NRXN3: variants seen among roughly 807,000 people sequenced by gnomAD.
NRXN3 encodes neurexin III.
NRXN3 carries 32 observed loss-of-function variants against 137.6 expected under a neutral mutation model. That is an observed-to-expected ratio of 0.23 (90% confidence interval 0.18 to 0.31). The LOEUF is 0.31. Among genes scored for constraint, NRXN3 ranks in the 10% least tolerant of loss-of-function variants. NRXN3 has a pLI of 1.00. For synonymous variants in NRXN3, 798 were observed against 784.5 expected, an observed-to-expected ratio of 1.02 and a Z score of -0.29; for missense variants, 1,574 against 2,062.5, an observed-to-expected ratio of 0.76 and a Z score of 4.59.
chr14:78,501,638 G>T, intron 4 of NRXN3, among the ~76,000 whole-genome samples: 1 of 152,182 alleles, frequency 6.6e-6, no homozygotes, highest in East Asian at 1.9e-4. Flanking sequence ...AGCCATTATA[G>T]AAGTTGTCTA....
At chr14:79,523,714 T>C (rs1043096890) in intron 16 of NRXN3, among the ~76,000 whole-genome samples, 2 of 152,356 alleles carry the variant, frequency 1.3e-5, no homozygotes, top group East Asian at 3.9e-4. Flanking sequence ...ATTTGGGTAA[T>C]GAAGGCTCAA....
intron 15 of NRXN3, among the ~76,000 whole-genome samples, chr14:79,337,584 T>A (rs1314186017): frequency 6.6e-6 from 1 of 152,202 alleles, no homozygotes; most frequent in Non-Finnish European, 1.5e-5. Context: ...TGTGTTATAA[T>A]GGAATGATGT....
At chr14:78,354,512 C>G (rs1038482167) in intron 4 of NRXN3, among the ~76,000 whole-genome samples, 1 of 152,272 alleles carries the variant, frequency 6.6e-6, no homozygotes, top group Non-Finnish European at 1.5e-5. Context: ...CTTTCGCTCC[C>G]CATGCAGCTG....
chr14:78,492,758 G>C (rs542420470), intron 4 of NRXN3, among the ~76,000 whole-genome samples: 2 of 152,192 alleles, frequency 1.3e-5, no homozygotes, highest in Non-Finnish European at 2.9e-5. Flanking sequence ...CTGACGTGGT[G>C]TTAGTCTGTC....
chr14:78,338,066 A>G (rs561265936), intron 4 of NRXN3, among the ~76,000 whole-genome samples: 1 of 152,162 alleles, frequency 6.6e-6, no homozygotes, highest in Admixed American at 6.5e-5. Context: ...TTAGGTTGTT[A>G]TTGCTAGGAG....
chr14:79,829,661 G>A (rs1013815171), intron 20 of NRXN3, among the ~76,000 whole-genome samples: 4 of 152,198 alleles, frequency 2.6e-5, no homozygotes, highest in African/African-American at 9.7e-5. Flanking sequence ...GTGTGTGTGT[G>A]CCTGTGTGTA....
At chr14:79,296,207 ACT>A (rs2084080046) in intron 15 of NRXN3, among the ~76,000 whole-genome samples, 1 of 152,086 alleles carries the variant, frequency 6.6e-6, no homozygotes, top group South Asian at 2.1e-4. Context: ...GCTTAATGGC[ACT>A]CATTAATGAA....
intron 14 of NRXN3, among the ~76,000 whole-genome samples, chr14:78,985,974 T>A (rs2099502615): frequency 6.6e-6 from 1 of 152,160 alleles, no homozygotes; most frequent in Non-Finnish European, 1.5e-5. Context: ...TTAGTAATTG[T>A]TTTGAACTTT....
intron 15 of NRXN3, among the ~76,000 whole-genome samples, chr14:79,278,846 G>T (rs546371020): frequency 6.6e-6 from 1 of 152,174 alleles, no homozygotes; most frequent in East Asian, 1.9e-4. Context: ...TTTTAACCCC[G>T]GGAGACACAC....
rs967641983 is a variant in NRXN3 at position 79,393,589 on chromosome 14, C to T, written c.3263-73632C>T. Reference sequence around the variant, plus strand: ...ATACACTTTGGGAGGCCGAGGCGGGCGGATCATGAGGTCAGAAGATCGAGA... The same window carrying T: ...ATACACTTTGGGAGGCCGAGGCGGGTGGATCATGAGGTCAGAAGATCGAGA... On this transcript the variant is annotated intron_variant, in intron 15 of 20. Transcript: ENST00000335750. Among the ~76,000 whole-genome samples, 14 of 152,110 alleles carry T rather than the reference C, an allele frequency of 9.2e-5. 1 individual carries two copies. The South Asian group carries it at 1.0e-3, about 11-fold the overall frequency.
At chr14:78,686,182 A>G (rs965770639) in intron 6 of NRXN3, among the ~76,000 whole-genome samples, 2 of 152,186 alleles carry the variant, frequency 1.3e-5, no homozygotes, top group African/African-American at 4.8e-5. Context: ...TTTTAATTCA[A>G]TACATGTTTG....
chr14:79,147,699 C>T (rs778028540), intron 15 of NRXN3, among the ~76,000 whole-genome samples: 5 of 152,022 alleles, frequency 3.3e-5, no homozygotes, highest in East Asian at 1.9e-4. Context: ...TCTCATTGTC[C>T]ATATTCAGGA....
chr14:78,326,537 T>C (rs1567268759), intron 4 of NRXN3, among the ~76,000 whole-genome samples: 1 of 151,814 alleles, frequency 6.6e-6, no homozygotes, highest in Non-Finnish European at 1.5e-5. Flanking sequence ...TGATTGACAA[T>C]GTAGAGGAAG....
chr14:79,388,067 C>G (rs1449941701), intron 15 of NRXN3, among the ~76,000 whole-genome samples: 1 of 151,280 alleles, frequency 6.6e-6, no homozygotes, highest in Non-Finnish European at 1.5e-5. Flanking sequence ...CAAACCTGCA[C>G]GTTGTGCACA....
intron 4 of NRXN3, among the ~76,000 whole-genome samples, chr14:78,534,102 C>A (rs2096505477): frequency 3.3e-5 from 5 of 152,150 alleles, no homozygotes; most frequent in Non-Finnish European, 2.9e-5. Flanking sequence ...GCTTTTGCAG[C>A]CTATTTGCCC....
intron 15 of NRXN3, among the ~76,000 whole-genome samples, chr14:78,989,271 T>A (rs1312509841): frequency 6.6e-6 from 1 of 152,230 alleles, no homozygotes; most frequent in African/African-American, 2.4e-5. Context: ...ATTACAATGC[T>A]ATGCCCCCCA....
At chr14:78,319,312 A>G (rs1013257004) in intron 4 of NRXN3, among the ~76,000 whole-genome samples, 3 of 152,282 alleles carry the variant, frequency 2.0e-5, no homozygotes, top group East Asian at 3.9e-4. Context: ...CCGTGTCTGT[A>G]TGGGAAACAT....
At chr14:78,779,916 T>C (rs1237740341) in intron 8 of NRXN3, among the ~76,000 whole-genome samples, 2 of 152,170 alleles carry the variant, frequency 1.3e-5, no homozygotes, top group African/African-American at 4.8e-5. Flanking sequence ...ACATTTCCAC[T>C]CAAAACTCCA....
intron 15 of NRXN3, among the ~76,000 whole-genome samples, chr14:79,049,009 C>A (rs567259153): frequency 9.7e-6 from 1 of 103,516 alleles, no homozygotes; most frequent in East Asian, 3.1e-4. Context: ...GGCGACAGAG[C>A]GAAACTCCGT....
Sources: gnomAD v4.1 joint callset for allele counts (sites outside exome capture counted in the v4.1 genomes callset) on GRCh38, gnomAD v4.1.1 for gene constraint, MANE v1.5 for transcripts, NCBI Gene and HGNC (gene_info 2026-07-23, HGNC 2026-07-21) for gene names.